The following NAV1 variants were observed in gnomAD, a reference collection of about 807,000 sequenced individuals.
The protein encoded by NAV1 is pore membrane and/or filament interacting like protein 3.
A neutral mutation model predicts 175.2 loss-of-function variants in NAV1; 18 were observed. That is an observed-to-expected ratio of 0.10 (90% CI 0.07 to 0.15). The LOEUF (loss-of-function observed/expected upper bound fraction) is 0.15. Ranked by LOEUF, NAV1 falls within the 10% of genes least tolerant of loss-of-function variation. NAV1 has a pLI of 1.00. For missense variants in NAV1, 1,731 were observed against 2,436.6 expected (o/e 0.71, Z 6.10); for synonymous variants, 897 against 978.7 (o/e 0.92, Z 1.56).
At position 201,786,321 on chromosome 1, in the gene NAV1, G is replaced by A; in HGVS notation, c.2847-108G>A. On this transcript the variant is annotated intron_variant, in intron 8 of 29. Transcript: ENST00000367296. ...GACCACTCCCTCTTTTCCATGTCCTGCTTTCAGAATCTCCTGGCTCCAGCC... is the reference window on the plus strand; with the variant it reads ...GACCACTCCCTCTTTTCCATGTCCTACTTTCAGAATCTCCTGGCTCCAGCC... 2.6e-6 allele frequency: 3 copies of A among 1,175,602 alleles called. No homozygotes were observed. In the South Asian group the frequency reaches 4.5e-5, roughly 18 times the overall value. The allele number at this position is 1,175,602 out of a possible 1,614,324, so 72.8% of individuals were successfully genotyped here. A position where few individuals can be genotyped will look rare whatever the true frequency, so the allele number is the denominator to read the frequency against.
Position 201,810,423 on chromosome 1 carries a change from C to T in NAV1, c.4562-100C>T. ...CCATGGGGCAAGTGGCTCTGAGTTTCTTCAGGGGGCTCCTAGATAAAGAAA... is the reference window on the plus strand; with the variant it reads ...CCATGGGGCAAGTGGCTCTGAGTTTTTTCAGGGGGCTCCTAGATAAAGAAA... On this transcript the variant is annotated intron_variant, in intron 23 of 29. Transcript: ENST00000367296. The surrounding 1 kb of genome is among the most constrained non-coding windows in gnomAD (Gnocchi z 6.0). 5.9e-6 allele frequency: 7 copies of T among 1,182,298 alleles called. No individual in the cohort carries two copies. Among genetic ancestry groups the T allele is most frequent in the Non-Finnish European group, 8.3e-6 (7 of 842,778 alleles). 73.2% of individuals were successfully genotyped at this position (1,182,298 alleles called of 1,614,324 possible).
intron 17 of NAV1, among the ~76,000 whole-genome samples, chr1:201,805,148 C>G (rs751028876): frequency 1.3e-5 from 2 of 152,204 alleles, no homozygotes; most frequent in East Asian, 1.9e-4. Flanking sequence ...GAGGTCCACT[C>G]TAACCCTACC....
chr1:201,633,107 C>T (rs1668524930), intron 2 of NAV1, among the ~76,000 whole-genome samples: 1 of 152,148 alleles, frequency 6.6e-6, no homozygotes, highest in Non-Finnish European at 1.5e-5. Flanking sequence ...AATTTGGCCT[C>T]CTTTTCAATG....
rs75689268 is a variant in NAV1 at position 201,808,562 on chromosome 1, C to T, written c.3990C>T (p.Asn1330=). 1.0e-2 allele frequency: 16,107 copies of T among 1,614,280 alleles called. 110 individuals are homozygous for T. Among genetic ancestry groups the T allele is most frequent in the Non-Finnish European group, 0.012 (14,336 of 1,180,048 alleles). ...CAGACATCCGCTTGGAGGCCCTCAA[C>T]TCTGCCCACCAACTGGATCAGCTTC... The change falls in exon 19 of 30, where the codon AAC becomes AAT. Residue 1330 remains asparagine, a synonymous_variant. Transcript: ENST00000367296. This position sits in a 1 kb window ranked among gnomAD's most constrained non-coding sequence, Gnocchi z 5.5.
At chr1:201,623,387 C>T in exon 1 of NAV1, 1 of 985,916 alleles carries the variant, frequency 1.0e-6, no homozygotes, top group Non-Finnish European at 1.2e-6. Flanking sequence ...CGGAAGCCTC[C>T]AAGCTGCCCA....
At chr1:201,585,353 G>A (rs778235700) in intron 1 of NAV1, among the ~76,000 whole-genome samples, 2 of 152,138 alleles carry the variant, frequency 1.3e-5, no homozygotes, top group African/African-American at 2.4e-5. Context: ...GCTAAGTTGT[G>A]GAAATGCAGT....
intron 28 of NAV1, among the ~76,000 whole-genome samples, chr1:201,816,651 G>GTT (rs1199818353): frequency 6.7e-6 from 1 of 149,454 alleles, no homozygotes; most frequent in East Asian, 2.0e-4. Context: ...AGAGCCTCGA[G>GTT]GATTTACATT....
intron 1 of NAV1, among the ~76,000 whole-genome samples, chr1:201,668,288 T>A (rs1477326473): frequency 2.0e-5 from 3 of 152,162 alleles, no homozygotes; most frequent in African/African-American, 7.2e-5. Context: ...CCTAATCTGA[T>A]GGCTTTAGCA....
intron 1 of NAV1, among the ~76,000 whole-genome samples, chr1:201,661,961 T>C (rs901540549): frequency 7.2e-5 from 11 of 152,376 alleles, no homozygotes; most frequent in African/African-American, 2.2e-4. Flanking sequence ...ACCTAGTGGG[T>C]TAGGTACTAC....
chr1:201,804,852 A>G (rs1393430998), intron 17 of NAV1, among the ~76,000 whole-genome samples: 2 of 152,212 alleles, frequency 1.3e-5, no homozygotes, highest in Non-Finnish European at 2.9e-5. Context: ...TTTTGGTTCC[A>G]TAATACCTAG....
intron 3 of NAV1, chr1:201,739,683 C>CT (rs1673276619): frequency 1.2e-6 from 1 of 812,526 alleles, no homozygotes; most frequent in African/African-American, 1.8e-5. Flanking sequence ...CCGTCGGCAC[C>CT]TCCAGGCTTC....
intron 1 of NAV1, among the ~76,000 whole-genome samples, chr1:201,664,754 C>A (rs1669747528): frequency 6.6e-6 from 1 of 152,140 alleles, no homozygotes; most frequent in Admixed American, 6.5e-5. Context: ...TGAGCCCCAG[C>A]CTGTTCTTCC....
chr1:201,808,074 A>G lies in NAV1; in HGVS notation c.3770A>G (p.Gln1257Arg), dbSNP rs1443767414. Residue 1257 changes from glutamine to arginine, a missense_variant, in exon 18 of 30, where the codon CAG becomes CGG. Physicochemically the swap from Gln to Arg is conservative, Grantham distance 43. Around this residue, in one of 13 missense-constraint regions of NAV1, gnomAD observed 146 missense variants for 176.8 expected, o/e 0.83. Transcript: ENST00000367296. This position sits in a 1 kb window ranked among gnomAD's most constrained non-coding sequence, Gnocchi z 5.5. ...TCAGCCCCCTCATCCCCCAAACTACAGCATGGTTCTACAGAGACTGCTTCA... is the reference window on the plus strand; with the variant it reads ...TCAGCCCCCTCATCCCCCAAACTACGGCATGGTTCTACAGAGACTGCTTCA... The G allele has an allele frequency of 4.3e-6, 7 of 1,614,026 alleles. No homozygotes were observed. The highest frequency in any genetic ancestry group is 1.1e-5 in the South Asian group (1 of 91,088).
chr1:201,794,604 G>T, intron 15 of NAV1, 27 bp downstream of exon 19: 1 of 1,575,784 alleles, frequency 6.3e-7, no homozygotes, highest in South Asian at 1.1e-5. Context: ...CAGATTGAGA[G>T]GGAACAGGGA....
At chr1:201,627,665 A>G (rs747718318) in intron 1 of NAV1, among the ~76,000 whole-genome samples, 5 of 152,084 alleles carry the variant, frequency 3.3e-5, no homozygotes, top group African/African-American at 7.2e-5. Flanking sequence ...ATGTTAATCA[A>G]TGAAACAGTT....
rs2102330537 is a variant in NAV1 at position 201,648,619 on chromosome 1, C to T, written c.-50C>T. 3.9e-6 allele frequency: 5 copies of T among 1,288,350 alleles called. No individual in the cohort carries two copies. Among genetic ancestry groups the T allele is most frequent in the African/African-American group, 1.5e-5 (1 of 64,948 alleles). 79.8% of individuals were successfully genotyped at this position (1,288,350 alleles called of 1,614,324 possible). On this transcript the variant is annotated 5_prime_UTR_variant, in exon 1 of 30. Coordinates refer to ENST00000367296, the Ensembl canonical transcript of NAV1. The stretch of plus-strand genomic sequence containing the variant: ...CTGCGCTCCCGCCCCCTGCCCCCTC[C>T]CCCCGTGCCTGCAGACGCGCGGATC...
intron 2 of NAV1, among the ~76,000 whole-genome samples, chr1:201,610,070 G>A (rs754475684): frequency 3.2e-4 from 49 of 152,116 alleles, no homozygotes; most frequent in Non-Finnish European, 6.5e-4. Flanking sequence ...AGAGAAGGGA[G>A]GGCACCTTCT....
At chr1:201,783,423 T>C in exon 7 of NAV1, 1 of 1,613,944 alleles carries the variant, frequency 6.2e-7, no homozygotes, top group African/African-American at 1.3e-5. Flanking sequence ...GCGAAGAGCT[T>C]TGTCAAACCA....
At chr1:201,739,707 ACGGAGGAGGCTT>A (rs1673279195) in intron 3 of NAV1, 1 of 1,010,370 alleles carries the variant, frequency 9.9e-7, no homozygotes, top group Non-Finnish European at 1.2e-6. Flanking sequence ...GGCCACCGGA[ACGGAGGAGGCTT>A]CGGTGGCTCT....
Sources: gnomAD v4.1 joint callset for allele counts (sites outside exome capture counted in the v4.1 genomes callset) on GRCh38, gnomAD v4.1.1 for gene constraint, gnomAD v4.1.1 regional missense constraint, Gnocchi (gnomAD v3.1) non-coding constraint, MANE v1.5 for transcripts, NCBI Gene and HGNC (gene_info 2026-07-23, HGNC 2026-07-21) for gene names.